PTK2B: variants seen among roughly 807,000 people sequenced by gnomAD.
PTK2B encodes protein-tyrosine kinase 2-beta.
In PTK2B, 71 loss-of-function variants were observed where a neutral mutation model predicts 142.9. The observed-to-expected ratio is 0.50, with a 90% confidence interval of 0.41 to 0.61. The LOEUF (loss-of-function observed/expected upper bound fraction) is 0.61, where lower values mean the gene tolerates loss of function less well. Among genes scored for constraint, PTK2B ranks in the 20% least tolerant of loss-of-function variants. PTK2B has a pLI of 0.00. For synonymous variants in PTK2B, 519 were observed against 503.4 expected (o/e 1.03, Z -0.42); for missense variants, 1,105 against 1,320.4 (o/e 0.84, Z 2.53).
At chr8:27,433,894 C>T (rs144276317) in intron 11 of PTK2B, among the ~76,000 whole-genome samples, 199 bp from the exon 12 acceptor site, 101 of 152,358 alleles carry the variant, frequency 6.6e-4, no homozygotes, top group Middle Eastern at 3.4e-3. Context: ...AGCTGGAGCA[C>T]GTGAAATCTG....
intron 2 of PTK2B, among the ~76,000 whole-genome samples, chr8:27,417,941 G>A (rs539234848): frequency 2.0e-5 from 3 of 152,134 alleles, no homozygotes; most frequent in African/African-American, 7.2e-5. Flanking sequence ...GACAGAGCAG[G>A]GCAGAAGGTC....
intron 30 of PTK2B, among the ~76,000 whole-genome samples, chr8:27,454,976 CTTTA>C (rs923345534): frequency 2.0e-5 from 3 of 152,104 alleles, no homozygotes; most frequent in East Asian, 1.9e-4. Flanking sequence ...CTTAAGGTTT[CTTTA>C]TTTAATCTGA....
rs1376425738 is a variant in PTK2B at position 27,376,830 on chromosome 8, TA to T, written c.-37-20713del. ...TTAGCATGTCATCAAGAAATAACTA[TA>T]AAAATGGGCAAACAGCAGCCTTCAA... On this transcript the variant is annotated intron_variant, in intron 1 of 30. Coordinates refer to ENST00000346049, the MANE Select transcript of PTK2B (RefSeq NM_173176.3). Among the ~76,000 whole-genome samples the T allele has an allele frequency of 3.9e-5, 6 of 152,196 alleles. No homozygotes were observed. The East Asian group carries it at 1.2e-3, about 29-fold the overall frequency.
intron 1 of PTK2B, among the ~76,000 whole-genome samples, chr8:27,351,357 G>T (rs1286998371): frequency 6.6e-6 from 1 of 151,928 alleles, no homozygotes; most frequent in East Asian, 1.9e-4. Flanking sequence ...TCACGGGTGA[G>T]AAAATGGTCT....
intron 1 of PTK2B, among the ~76,000 whole-genome samples, chr8:27,393,810 T>G (rs1022038768): frequency 7.2e-5 from 11 of 152,012 alleles, no homozygotes; most frequent in Non-Finnish European, 1.2e-4. Context: ...AGTGGCGCAT[T>G]TGTCACAGTC....
intron 30 of PTK2B, among the ~76,000 whole-genome samples, chr8:27,455,394 C>T (rs555750261): frequency 2.6e-5 from 4 of 152,106 alleles, no homozygotes; most frequent in Non-Finnish European, 5.9e-5. Flanking sequence ...CAAAACCATA[C>T]AAAAATTAGC....
chr8:27,329,918 G>A (rs1338495782), intron 1 of PTK2B, among the ~76,000 whole-genome samples: 1 of 152,080 alleles, frequency 6.6e-6, no homozygotes, highest in Non-Finnish European at 1.5e-5. Context: ...ATGAGATAGT[G>A]TACATTAGAG....
intron 1 of PTK2B, among the ~76,000 whole-genome samples, chr8:27,330,557 G>C (rs961302529): frequency 1.5e-4 from 23 of 152,204 alleles, no homozygotes; most frequent in Admixed American, 9.2e-4. Context: ...AGAGCTGACA[G>C]GTAGGAGAAA....
At chr8:27,339,581 A>T (rs968206053) in intron 1 of PTK2B, among the ~76,000 whole-genome samples, 19 of 152,234 alleles carry the variant, frequency 1.2e-4, no homozygotes, top group African/African-American at 4.6e-4. Context: ...GCACAGAGAC[A>T]TGGGCGAAAG....
chr8:27,400,085 G>T (rs192851947), intron 2 of PTK2B, among the ~76,000 whole-genome samples: 3 of 152,228 alleles, frequency 2.0e-5, no homozygotes, highest in South Asian at 2.1e-4. Flanking sequence ...GTCTATCCAG[G>T]TATCTGTCTT....
chr8:27,326,056 C>G (rs1573964), intron 1 of PTK2B, among the ~76,000 whole-genome samples: 2 of 152,082 alleles, frequency 1.3e-5, no homozygotes, highest in Admixed American at 6.6e-5. Context: ...CTCCTGCCCC[C>G]GCTCCCCGCT....
At chr8:27,410,151 C>T (rs1808971119) in intron 2 of PTK2B, among the ~76,000 whole-genome samples, 2 of 152,136 alleles carry the variant, frequency 1.3e-5, no homozygotes, top group Admixed American at 1.3e-4. Flanking sequence ...TGAATTAAGC[C>T]TGGGAAGCAG....
At chr8:27,365,597 T>G (rs1162471227) in intron 1 of PTK2B, among the ~76,000 whole-genome samples, 1 of 152,196 alleles carries the variant, frequency 6.6e-6, no homozygotes, top group Non-Finnish European at 1.5e-5. Context: ...GTTCCTTTAA[T>G]CTCCTATGCC....
intron 1 of PTK2B, among the ~76,000 whole-genome samples, chr8:27,395,229 G>C (rs28739491): frequency 0.37 from 55,468 of 151,926 alleles, 11,065 homozygotes; most frequent in Middle Eastern, 0.5. Context: ...CAGTGTGGCG[G>C]GTTTGTTTAT....
At chr8:27,432,202 C>G (rs1810475288) in intron 9 of PTK2B, 58 bp from the exon 10 acceptor site, 15 of 1,532,196 alleles carry the variant, frequency 9.8e-6, no homozygotes, top group Non-Finnish European at 1.3e-5. Flanking sequence ...ACTGACCAAT[C>G]TGCATGGCCT....
intron 1 of PTK2B, among the ~76,000 whole-genome samples, chr8:27,312,007 C>T (rs1412910504): frequency 1.3e-5 from 2 of 152,186 alleles, no homozygotes; most frequent in East Asian, 3.9e-4. Context: ...TCATGACAAC[C>T]ACTGTTTTAA....
chr8:27,358,901 A>G (rs1384813047), intron 1 of PTK2B, among the ~76,000 whole-genome samples: 1 of 152,190 alleles, frequency 6.6e-6, no homozygotes, highest in Non-Finnish European at 1.5e-5. Context: ...CTTGAATTTA[A>G]GGTCTAACAT....
chr8:27,420,134 C>T lies in PTK2B; in HGVS notation c.383+61C>T. On this transcript the variant is annotated intron_variant, in intron 3 of 30. Coordinates refer to ENST00000346049, the MANE Select transcript of PTK2B (RefSeq NM_173176.3). ...GAGAGGAATTTAGGGTGGGGAGGCC[C>T]TGGGAGTTTCTCCCTTAGAGCACTC... 1.3e-5 allele frequency: 21 copies of T among 1,587,434 alleles called. No homozygotes were observed. The South Asian group carries it at 2.4e-4, about 18-fold the overall frequency.
chr8:27,457,752 A>G (rs1812223002), intron 30 of PTK2B, among the ~76,000 whole-genome samples: 1 of 152,158 alleles, frequency 6.6e-6, no homozygotes, highest in African/African-American at 2.4e-5. Flanking sequence ...AGGTCGGAGG[A>G]TCACCTGAGG....
Sources: allele counts gnomAD v4.1 joint callset (sites outside exome capture counted in the v4.1 genomes callset), GRCh38; gene constraint gnomAD v4.1.1; transcripts MANE v1.5; gene names NCBI Gene and HGNC (gene_info 2026-07-23, HGNC 2026-07-21).